The following CNTN4 variants were observed in gnomAD, a reference collection of about 807,000 sequenced individuals.
The protein encoded by CNTN4 is contactin-4.
CNTN4 carries 77 observed loss-of-function variants against 122.5 expected under a neutral mutation model. The observed-to-expected ratio is 0.63, with a 90% CI of 0.52 to 0.76. The LOEUF (loss-of-function observed/expected upper bound fraction) is 0.76, where lower values mean the gene tolerates loss of function less well. Ranked by LOEUF, CNTN4 falls within the 30% of genes least tolerant of loss-of-function variation. The probability of loss-of-function intolerance (pLI) is 0.00; values close to 1 mark genes in which losing one functional copy is unlikely to be tolerated. For synonymous variants in CNTN4, 512 were observed against 447.0 expected (o/e 1.15, Z -1.83); for missense variants, 1,256 against 1,259.1 (o/e 1.00, Z 0.04).
chr3:2,395,386 T>C (rs888707402), intron 3 of CNTN4, among the ~76,000 whole-genome samples: 16 of 152,178 alleles, frequency 1.1e-4, no homozygotes, highest in African/African-American at 3.9e-4. Context: ...GGAAACTTTC[T>C]AGAGTGATAA....
intron 6 of CNTN4, among the ~76,000 whole-genome samples, chr3:2,806,679 TATTA>T: frequency 6.6e-6 from 1 of 152,212 alleles, no homozygotes; most frequent in Admixed American, 6.5e-5. Context: ...AATGCTTATT[TATTA>T]GTTTCCTCAG....
At chr3:2,697,577 A>G (rs924096189) in intron 4 of CNTN4, among the ~76,000 whole-genome samples, 1 of 152,232 alleles carries the variant, frequency 6.6e-6, no homozygotes, top group African/African-American at 2.4e-5. Flanking sequence ...AAATACAGAC[A>G]GCAAAAGACA....
At chr3:2,465,732 G>A (rs1267136040) in intron 3 of CNTN4, among the ~76,000 whole-genome samples, 3 of 151,924 alleles carry the variant, frequency 2.0e-5, no homozygotes, top group Non-Finnish European at 4.4e-5. Flanking sequence ...GGATAGCAAA[G>A]CAGGTGTTCA....
chr3:2,538,207 A>T (rs2077884983), intron 3 of CNTN4, among the ~76,000 whole-genome samples: 1 of 152,104 alleles, frequency 6.6e-6, no homozygotes, highest in African/African-American at 2.4e-5. Context: ...ACCAGAAGCT[A>T]AATAGAAGGA....
intron 2 of CNTN4, among the ~76,000 whole-genome samples, chr3:2,168,263 T>C (rs575726367): frequency 2.0e-4 from 31 of 152,298 alleles, no homozygotes; most frequent in Non-Finnish European, 2.9e-4. Flanking sequence ...AAAAATCTTA[T>C]AGGTTATATT....
rs116210734 is a variant in CNTN4 at position 2,317,189 on chromosome 3, G to A, written c.-144-21989G>A. The stretch of plus-strand genomic sequence containing the variant: ...TGTCTGTATAAATGCAAGGATTAGC[G>A]TTGCCCGCTGAATCTAGACCTGATG... On this transcript the variant is annotated intron_variant, in intron 2 of 24. Transcript: ENST00000418658. 2.0e-3 allele frequency among the ~76,000 whole-genome samples: 312 copies of A among 152,290 alleles called. 2 individuals are homozygous for A. Among genetic ancestry groups the A allele is most frequent in the African/African-American group, 6.7e-3 (279 of 41,572 alleles).
chr3:2,160,812 A>G (rs766929087), intron 2 of CNTN4, among the ~76,000 whole-genome samples: 5 of 152,090 alleles, frequency 3.3e-5, no homozygotes, highest in African/African-American at 4.8e-5. Flanking sequence ...CTTGATTTCC[A>G]TTCGTCACAT....
intron 4 of CNTN4, among the ~76,000 whole-genome samples, chr3:2,609,459 A>G (rs2081391421): frequency 6.6e-6 from 1 of 152,170 alleles, no homozygotes; most frequent in Admixed American, 6.5e-5. Context: ...TTTATAAATT[A>G]CCCAGCTTCA....
intron 8 of CNTN4, among the ~76,000 whole-genome samples, chr3:2,869,486 T>A (rs1295000922): frequency 6.6e-6 from 1 of 152,200 alleles, no homozygotes; most frequent in African/African-American, 2.4e-5. Context: ...TGTATGGGAA[T>A]GCCCTTTACT....
chr3:2,795,689 T>A (rs1257791393), intron 6 of CNTN4, among the ~76,000 whole-genome samples: 4 of 151,798 alleles, frequency 2.6e-5, no homozygotes, highest in Non-Finnish European at 5.9e-5. Context: ...CTCAGCTAAT[T>A]TTTTGTATTT....
At chr3:3,017,129 C>T (rs1033005255) in intron 14 of CNTN4, among the ~76,000 whole-genome samples, 2 of 152,204 alleles carry the variant, frequency 1.3e-5, no homozygotes, top group Non-Finnish European at 2.9e-5. Flanking sequence ...AGCCAAAATA[C>T]ACTTATTGTT....
intron 13 of CNTN4, among the ~76,000 whole-genome samples, chr3:2,960,706 G>C (rs989280095): frequency 2.0e-5 from 3 of 152,174 alleles, no homozygotes; most frequent in African/African-American, 7.2e-5. Context: ...AAATGTGTTA[G>C]TTGAATCCAG....
chr3:2,359,594 C>T (rs1256310678), intron 3 of CNTN4, among the ~76,000 whole-genome samples: 2 of 152,130 alleles, frequency 1.3e-5, no homozygotes, highest in African/African-American at 4.8e-5. Context: ...GGCTGGAGTG[C>T]AGTGGCAGGA....
chr3:2,774,973 G>A (rs1576741624), intron 6 of CNTN4, among the ~76,000 whole-genome samples: 1 of 152,204 alleles, frequency 6.6e-6, no homozygotes, highest in Non-Finnish European at 1.5e-5. Flanking sequence ...CACGGACAGC[G>A]ATTTCAGCTT....
intron 7 of CNTN4, among the ~76,000 whole-genome samples, chr3:2,824,438 C>T (rs926826806): frequency 6.6e-6 from 1 of 150,524 alleles, no homozygotes; most frequent in Non-Finnish European, 1.5e-5. Context: ...GCCTGGGCGA[C>T]AGAGCGAGAC....
chr3:2,677,125 T>C (rs2084892740), intron 4 of CNTN4, among the ~76,000 whole-genome samples: 1 of 130,878 alleles, frequency 7.6e-6, no homozygotes, highest in Admixed American at 8.2e-5. Flanking sequence ...GATAGATCAC[T>C]CTTTTAGATA....
intron 7 of CNTN4, among the ~76,000 whole-genome samples, chr3:2,859,278 A>G (rs2093648877): frequency 6.6e-6 from 1 of 152,216 alleles, no homozygotes; most frequent in African/African-American, 2.4e-5. Context: ...CTGTGTATAT[A>G]TATCACATTT....
intron 3 of CNTN4, among the ~76,000 whole-genome samples, chr3:2,442,783 C>T (rs73804546): frequency 0.01 from 1,597 of 152,240 alleles, 33 homozygotes; most frequent in South Asian, 0.066. Context: ...AGGCTTACTT[C>T]TAAATGTGAA....
chr3:2,617,419 C>CGTTT (rs749859960), intron 4 of CNTN4, among the ~76,000 whole-genome samples: 9 of 108,528 alleles, frequency 8.3e-5, no homozygotes, highest in Non-Finnish European at 1.6e-4. Context: ...AGAGAAATGC[C>CGTTT]TTTTTTTTTT....
Sources: gnomAD v4.1 joint callset for allele counts (sites outside exome capture counted in the v4.1 genomes callset) on GRCh38, gnomAD v4.1.1 for gene constraint, MANE v1.5 for transcripts, NCBI Gene and HGNC (gene_info 2026-07-23, HGNC 2026-07-21) for gene names.